Variants in CALN1 observed in about 807,000 individuals in gnomAD.
CALN1 encodes the protein calneuron 1, also known as calcium-binding protein 8.
CALN1 carries 17 observed loss-of-function variants against 30.6 expected under a neutral mutation model. The observed-to-expected ratio is 0.56, with a 90% CI of 0.38 to 0.83. The LOEUF (loss-of-function observed/expected upper bound fraction) is 0.83, where lower values mean the gene tolerates loss of function less well. Ranked by LOEUF, CALN1 falls within the 40% of genes least tolerant of loss-of-function variation. The pLI is 0.00. For missense variants in CALN1, 291 were observed against 354.9 expected (o/e 0.82, Z 1.45); for synonymous variants, 156 against 131.4 (o/e 1.19, Z -1.28).
At position 72,045,738 on chromosome 7, in the gene CALN1, A is replaced by G. The variant is rs1458464762; in HGVS notation, c.389-21969T>C. 5.3e-5 allele frequency among the ~76,000 whole-genome samples: 8 copies of G among 152,006 alleles called. No individual in the cohort carries two copies. The East Asian group carries it at 1.6e-3, about 30-fold the overall frequency. On this transcript the variant is annotated intron_variant, in intron 4 of 6. Coordinates refer to ENST00000395275, the MANE Select transcript of CALN1 (RefSeq NM_031468.4). ...AGAGAGACCAGGTGTGGTGGCTCAC[A>G]CCTGTAATCCCAACACTTTGGGAGG...
Position 71,781,060 on chromosome 7 carries a change from G to A in CALN1, c.*6715C>T, listed in dbSNP as rs1304877970. 6.6e-6 allele frequency: 1 copy of A among 152,188 alleles called. No individual in the cohort carries two copies. The highest frequency in any genetic ancestry group is 1.5e-5 in the Non-Finnish European group (1 of 68,034). 9.4% of individuals were successfully genotyped at this position (152,188 alleles called of 1,614,324 possible). A position where few individuals can be genotyped will look rare whatever the true frequency, so the allele number is the denominator to read the frequency against. ...AGAGACTTTATCACAACTGCCTCTT[G>A]GGACTTGTGTTCAAAAAGGAGCTCC... On this transcript the variant is annotated 3_prime_UTR_variant, in exon 7 of 7. Transcript: ENST00000395275.
At chr7:72,066,980 G>T (rs1804066786) in intron 4 of CALN1, among the ~76,000 whole-genome samples, 2 of 151,454 alleles carry the variant, frequency 1.3e-5, no homozygotes, top group African/African-American at 4.9e-5. Context: ...GTAGAGATGG[G>T]GTTTTACCAT....
intron 5 of CALN1, among the ~76,000 whole-genome samples, chr7:71,981,795 T>C (rs1178128115): frequency 2.0e-5 from 3 of 152,098 alleles, no homozygotes; most frequent in African/African-American, 7.2e-5. Context: ...AGAATGGAAT[T>C]GAAGGACTCC....
At chr7:72,327,844 A>C (rs1213942807) in intron 2 of CALN1, among the ~76,000 whole-genome samples, 1 of 152,234 alleles carries the variant, frequency 6.6e-6, no homozygotes, top group Non-Finnish European at 1.5e-5. Flanking sequence ...TATGTGTTCA[A>C]ATTTCCTAAT....
intron 5 of CALN1, among the ~76,000 whole-genome samples, chr7:71,981,802 C>T (rs1365846146): frequency 6.6e-6 from 1 of 152,060 alleles, no homozygotes; most frequent in Non-Finnish European, 1.5e-5. Flanking sequence ...AATTGAAGGA[C>T]TCCCGGCTTG....
At chr7:72,318,883 C>T (rs1800677542) in intron 2 of CALN1, among the ~76,000 whole-genome samples, 3 of 151,214 alleles carry the variant, frequency 2.0e-5, no homozygotes, top group Admixed American at 1.3e-4. Flanking sequence ...AAAAAAGATG[C>T]TGGCAAGGAT....
At chr7:72,243,244 G>A (rs1007219244) in intron 3 of CALN1, among the ~76,000 whole-genome samples, 5 of 152,320 alleles carry the variant, frequency 3.3e-5, no homozygotes, top group Admixed American at 3.3e-4. Context: ...ACAGCAAGAA[G>A]GCAGCCATCT....
At chr7:72,080,723 C>T (rs528656605) in intron 4 of CALN1, among the ~76,000 whole-genome samples, 1 of 152,144 alleles carries the variant, frequency 6.6e-6, no homozygotes, top group Non-Finnish European at 1.5e-5. Flanking sequence ...AGGCACCACG[C>T]ACCCTGTATG....
intron 2 of CALN1, among the ~76,000 whole-genome samples, chr7:72,338,511 GTGTGTGTGTGTGTGTGTC>G (rs1418197502): frequency 2.7e-5 from 4 of 148,280 alleles, no homozygotes; most frequent in East Asian, 2.0e-4. Context: ...GTGTGTGTGT[GTGTGTGTGTGTGTGTGTC>G]TCACCTGGGT....
At chr7:71,999,579 T>C (rs563022838) in intron 5 of CALN1, among the ~76,000 whole-genome samples, 2 of 152,052 alleles carry the variant, frequency 1.3e-5, no homozygotes, top group East Asian at 3.9e-4. Context: ...AGTGGCATAA[T>C]CTTGGCTCAC....
intron 5 of CALN1, among the ~76,000 whole-genome samples, chr7:71,839,480 C>T (rs888538256): frequency 5.9e-5 from 9 of 152,100 alleles, no homozygotes; most frequent in Middle Eastern, 3.2e-3. Context: ...TATAGTGAGC[C>T]GAGATTGCAC....
intron 2 of CALN1, among the ~76,000 whole-genome samples, chr7:72,377,250 A>T (rs1164451862): frequency 6.6e-6 from 1 of 152,182 alleles, no homozygotes; most frequent in Non-Finnish European, 1.5e-5. Flanking sequence ...AGTTGCATTG[A>T]GTCTGCAGGT....
At chr7:72,156,628 TG>T (rs756639539) in intron 3 of CALN1, among the ~76,000 whole-genome samples, 1 of 152,172 alleles carries the variant, frequency 6.6e-6, no homozygotes, top group African/African-American at 2.4e-5. Context: ...AGGCAGAGCT[TG>T]GTGCAGCTCA....
intron 3 of CALN1, among the ~76,000 whole-genome samples, chr7:72,240,434 A>G (rs1794752229): frequency 6.6e-6 from 1 of 152,102 alleles, no homozygotes; most frequent in African/African-American, 2.4e-5. Flanking sequence ...ACCTCAAGCA[A>G]TTCTCCAGCC....
At chr7:72,032,793 G>T (rs1044406865) in intron 4 of CALN1, among the ~76,000 whole-genome samples, 3 of 152,076 alleles carry the variant, frequency 2.0e-5, no homozygotes, top group Non-Finnish European at 4.4e-5. Flanking sequence ...GATACAGGTC[G>T]TTCACAGAGA....
intron 2 of CALN1, among the ~76,000 whole-genome samples, chr7:72,371,489 T>C (rs1804240037): frequency 1.3e-5 from 2 of 152,182 alleles, no homozygotes; most frequent in South Asian, 4.1e-4. Flanking sequence ...CCCCTTTTGC[T>C]TGGCACTTCT....
At chr7:72,248,042 G>C (rs1462256899) in intron 3 of CALN1, among the ~76,000 whole-genome samples, 2 of 152,164 alleles carry the variant, frequency 1.3e-5, no homozygotes, top group East Asian at 3.9e-4. Context: ...TTATTGTTCT[G>C]GAAGTCAGAA....
intron 6 of CALN1, among the ~76,000 whole-genome samples, chr7:71,798,667 G>T (rs1787113197): frequency 1.4e-5 from 2 of 146,314 alleles, no homozygotes; most frequent in South Asian, 4.4e-4. Context: ...TGTCACCCAG[G>T]CTTGAGTGCA....
chr7:72,090,980 T>C (rs890426422), intron 4 of CALN1, among the ~76,000 whole-genome samples: 3 of 152,070 alleles, frequency 2.0e-5, no homozygotes, highest in Middle Eastern at 3.2e-3. Context: ...AATACAGTTA[T>C]TGAGAAGGAA....
Sources: allele counts gnomAD v4.1 joint callset (sites outside exome capture counted in the v4.1 genomes callset), GRCh38; gene constraint gnomAD v4.1.1; transcripts MANE v1.5; gene names NCBI Gene and HGNC (gene_info 2026-07-23, HGNC 2026-07-21).